WDR87: variants seen among roughly 807,000 people sequenced by gnomAD.
WDR87 encodes WD repeat domain 87, also known as WD repeat-containing protein 87.
A neutral mutation model predicts 83.3 loss-of-function variants in WDR87; 56 were observed. That is an observed-to-expected ratio of 0.67 (90% CI 0.54 to 0.84). WDR87 has a LOEUF of 0.84. Among genes scored for constraint, WDR87 ranks in the 40% least tolerant of loss-of-function variants. The pLI is 0.00. For missense variants in WDR87, 2,939 were observed against 3,431.9 expected, an observed-to-expected ratio of 0.86 and a Z score of 3.59; for synonymous variants, 1,173 against 1,250.6, an observed-to-expected ratio of 0.94 and a Z score of 1.31.
chr19:37,889,982 T>A lies in WDR87; in HGVS notation c.3689A>T (p.Lys1230Met). Reference protein sequence around the residue: ...KKATAQKLKKKHKKKGKEAKV... With the variant: ...KKATAQKLKKMHKKKGKEAKV... Reference sequence around the variant, plus strand: ...GGCTTCTTTTCCCTTCTTTTTGTGCTTCTTTTTGAGTTTCTGAGCTGTTGC... The same window carrying A: ...GGCTTCTTTTCCCTTCTTTTTGTGCATCTTTTTGAGTTTCTGAGCTGTTGC... The change falls in exon 6 of 6, where the codon AAG (lysine) becomes ATG (methionine). Residue 1230 changes from lysine (K) to methionine (M), a missense_variant. Lys to Met is a moderately conservative substitution (Grantham distance 95). Coordinates refer to ENST00000447313, the MANE Select transcript of WDR87 (RefSeq NM_001291088.2). The A allele has an allele frequency of 6.4e-7, 1 of 1,551,748 alleles. No homozygotes were observed.
Position 37,898,170 on chromosome 19 carries a change from T to G in WDR87, c.70A>C (p.Ser24Arg). The change falls in exon 2 of 6, where the codon AGC (serine) becomes CGC (arginine). Residue 24 changes from serine to arginine, a missense_variant. This residue lies in a region of WDR87 where 226 missense variants were observed against 320.9 expected (regional missense o/e 0.70). Transcript: ENST00000447313. The stretch of plus-strand genomic sequence containing the variant: ...ATGTCCTACATATACATTACCTTGC[T>G]TTTATTTATGGTGTCATTTAGGAGG... ...KLLLNDTINK[S>R]KQPSEDPKNC... 1 of 1,551,714 alleles carries G rather than the reference T, an allele frequency of 6.4e-7. No homozygotes were observed. Among genetic ancestry groups the G allele is most frequent in the Non-Finnish European group, 8.7e-7 (1 of 1,146,968 alleles).
In WDR87 at chr19:37,898,195, G is replaced by T. The variant is rs1194315696; in HGVS notation, c.45C>A (p.Leu15=). 2 of 1,551,614 alleles carry T rather than the reference G, an allele frequency of 1.3e-6. No individual in the cohort carries two copies. The highest frequency in any genetic ancestry group is 1.7e-4 in the Middle Eastern group (1 of 5,990). Residue 15 remains leucine (L), a synonymous_variant, in exon 2 of 6, where the codon CTC becomes CTA. Coordinates refer to ENST00000447313, the MANE Select transcript of WDR87 (RefSeq NM_001291088.2). ...RLIPLWKDLK[L]LLNDTINKSK... is the part of the protein sequence containing the mutation. Reference sequence around the variant, plus strand: ...TTTTATTTATGGTGTCATTTAGGAGGAGTTTTAAATCTTTCCACAGGGGAA... The same window carrying T: ...TTTTATTTATGGTGTCATTTAGGAGTAGTTTTAAATCTTTCCACAGGGGAA...
In WDR87 at chr19:37,895,265, C is replaced by G. The variant is rs1398775916; in HGVS notation, c.438G>C (p.Val146=). The change falls in exon 4 of 6, where the codon GTG becomes GTC. Residue 146 remains valine, a synonymous_variant. Transcript: ENST00000447313. ...GGCAGCTGATGTTGAAGCGGCAGGG[C>G]ACTTTACCCAGGGGTTTGAATGCCC... ...HFRAFKPLGK[V]PCRFNISCLC... 1.1e-5 allele frequency: 17 copies of G among 1,551,578 alleles called. No homozygotes were observed. Among genetic ancestry groups the G allele is most frequent in the Non-Finnish European group, 9.6e-6 (11 of 1,147,012 alleles).
rs1475149491 is a variant in WDR87 at position 37,896,147 on chromosome 19, T to C, written c.237A>G (p.Lys79=). 2.6e-6 allele frequency: 4 copies of C among 1,552,200 alleles called. No individual in the cohort carries two copies. Among genetic ancestry groups the C allele is most frequent in the Non-Finnish European group, 3.5e-6 (4 of 1,147,128 alleles). The change falls in exon 3 of 6, where the codon AAA becomes AAG. Residue 79 remains lysine, a synonymous_variant. Transcript: ENST00000447313. ...ASLSWVTSNT[K]EIQAVAWMKS... ...AGAAAGGCAGTCTTACTTGTATTTC[T>C]TTTGTGTTTGATGTCACCCAAGAGA...
At position 37,884,839 on chromosome 19, in the gene WDR87, AAAAGAG is replaced by A; in HGVS notation, c.*87_*92del. 2 of 1,183,310 alleles carry A rather than the reference AAAAGAG, an allele frequency of 1.7e-6. No homozygotes were observed. The highest frequency in any genetic ancestry group is 2.2e-6 in the Non-Finnish European group (2 of 928,212). 73.3% of individuals were successfully genotyped at this position (1,183,310 alleles called of 1,614,324 possible). On this transcript the variant is annotated 3_prime_UTR_variant, in exon 6 of 6. Transcript: ENST00000447313. ...GTGAAACACCGTCTCAAAAAAAAAA[AAAAGAG>A]AGAGAGAGAGATGAAGGTCTAGATC...
rs188057301 is a variant in WDR87, at chr19:37,894,198, T to A, written c.1505A>T (p.His502Leu). 4.2e-5 allele frequency: 65 copies of A among 1,552,034 alleles called. No homozygotes were observed. The East Asian group carries it at 1.5e-3, about 36-fold the overall frequency. ...GGAGAGTGCCAGTACAGCGCCAAAG[T>A]GCATGAATTTTTCTAATCGAGCACA... The part of the protein sequence containing the change: ...HSCARLEKFM[H>L]FGAVLALSTL... Residue 502 changes from histidine to leucine, a missense_variant, in exon 4 of 6, where the codon CAC (histidine) becomes CTC (leucine). Physicochemically the swap from His to Leu is moderately conservative, Grantham distance 99. Transcript: ENST00000447313.
Position 37,905,601 on chromosome 19 carries a change from C to T in WDR87, c.-47+898G>A, listed in dbSNP as rs1167799346. ...TTAAAGAGACAGGGTTCTGCTTTGT[C>T]GCCCAAGCTGGAGGGCAGTGGTGCA... is the stretch of plus-strand genomic sequence containing the variant. On this transcript the variant is annotated intron_variant, in intron 1 of 5. Transcript: ENST00000447313. 3.3e-5 allele frequency among the ~76,000 whole-genome samples: 5 copies of T among 150,442 alleles called. No homozygotes were observed. In the East Asian group the frequency reaches 9.7e-4, roughly 29 times the overall value.
chr19:37,900,560 C>CAAAAAAAAAAA (rs58946958), intron 1 of WDR87, among the ~76,000 whole-genome samples: 5 of 78,088 alleles, frequency 6.4e-5, no homozygotes, highest in Non-Finnish European at 9.6e-5. Flanking sequence ...GACTCCGTCT[C>CAAAAAAAAAAA]AAAAAAAAAA....
rs1406436257 is a variant in WDR87, at chr19:37,892,836, G to C, written c.2867C>G (p.Ala956Gly). 1 of 1,551,714 alleles carries C rather than the reference G, an allele frequency of 6.4e-7. No individual in the cohort carries two copies. The highest frequency in any genetic ancestry group is 8.7e-7 in the Non-Finnish European group (1 of 1,147,024). Reference protein sequence around the residue: ...QIFASYQVSPALRSETARRLL... With the variant: ...QIFASYQVSPGLRSETARRLL... ...CCGACGGGCTGTCTCAGAGCGTAGG[G>C]CTGGGGACACCTGGTAAGAGGCAAA... The change falls in exon 4 of 6, where the codon GCC becomes GGC. Residue 956 changes from alanine (A) to glycine (G), a missense_variant. Transcript: ENST00000447313.
rs534125185 is a variant in WDR87 at position 37,897,589 on chromosome 19, T to TA, written c.75+575dup. On this transcript the variant is annotated intron_variant, in intron 2 of 5. Transcript: ENST00000447313. ...TTCTCTGGTGCCTCCTCCCCTGTTT[T>TA]AAAAAATCTCTCAGCCAGGCACAGT... Among the ~76,000 whole-genome samples, 5 of 151,834 alleles carry TA rather than the reference T, an allele frequency of 3.3e-5. No homozygotes were observed. In the South Asian group the frequency reaches 1.0e-3, roughly 32 times the overall value.
intron 2 of WDR87, among the ~76,000 whole-genome samples, chr19:37,897,204 G>GTTTTTTT (rs397859251): frequency 8.7e-6 from 1 of 115,296 alleles, no homozygotes; most frequent in Non-Finnish European, 1.7e-5. Flanking sequence ...CTGGGATCCT[G>GTTTTTTT]TTTTTTTTTT....
chr19:37,891,522 G>A (rs1212365062), intron 5 of WDR87, 30 bp downstream of exon 5: 1 of 1,548,980 alleles, frequency 6.5e-7, no homozygotes, highest in Non-Finnish European at 8.7e-7. Context: ...TGGGGACCCT[G>A]AGGCACAGAC....
Position 37,887,519 on chromosome 19 carries a change from A to G in WDR87, c.6152T>C (p.Leu2051Pro). 1 of 1,551,808 alleles carries G rather than the reference A, an allele frequency of 6.4e-7. No individual in the cohort carries two copies. Among genetic ancestry groups the G allele is most frequent in the Non-Finnish European group, 8.7e-7 (1 of 1,147,042 alleles). ...EQELFERKLSLEEKILLHEDR... is the reference protein window; with the variant it reads ...EQELFERKLSPEEKILLHEDR... ...TTCATGTAGCAGTATCTTCTCCTCTAGTGACAATTTTCTCTCAAATAGTTC... is the reference window on the plus strand; with the variant it reads ...TTCATGTAGCAGTATCTTCTCCTCTGGTGACAATTTTCTCTCAAATAGTTC... The change falls in exon 6 of 6, where the codon CTA becomes CCA. Residue 2051 changes from leucine to proline, a missense_variant. By Grantham distance (98) the Leu-to-Pro change is moderately conservative. Coordinates refer to ENST00000447313, the MANE Select transcript of WDR87 (RefSeq NM_001291088.2).
In WDR87 at chr19:37,888,904, C is replaced by T. The variant is rs574228166; in HGVS notation, c.4767G>A (p.Val1589=). Residue 1589 remains valine (V), a synonymous_variant, in exon 6 of 6, where the codon GTG becomes GTA. Transcript: ENST00000447313. ...GTTCTTTTTCTTCCCCCTCCCGAGA[C>T]ACTTCTTCCTCCAAAGTCACTTCTT... ...DEEEVTLEEE[V]SREGEEKEQQ... is the part of the protein sequence containing the mutation. 9.0e-6 allele frequency: 14 copies of T among 1,552,138 alleles called. No individual in the cohort carries two copies. The East Asian group carries it at 3.2e-4, about 35-fold the overall frequency.
chr19:37,886,414 AGCCCT>A lies in WDR87; in HGVS notation c.7252_7256del (p.Arg2418TyrfsTer38). On this transcript the variant is annotated frameshift_variant, in exon 6 of 6. Coordinates refer to ENST00000447313, the MANE Select transcript of WDR87 (RefSeq NM_001291088.2). LOFTEE classifies it low-confidence loss of function (END_TRUNC). ...GGCTTTTTAGAACTCCTAGTCTTATAGCCCTGCCTTTGCCATGAGGAACTCCTCTT... is the reference window on the plus strand; with the variant it reads ...GGCTTTTTAGAACTCCTAGTCTTATAGCCTTTGCCATGAGGAACTCCTCTT... 1 of 1,537,094 alleles carries A rather than the reference AGCCCT, an allele frequency of 6.5e-7. No individual in the cohort carries two copies. The highest frequency in any genetic ancestry group is 8.7e-7 in the Non-Finnish European group (1 of 1,143,048).
Position 37,893,558 on chromosome 19 carries a change from C to T in WDR87, c.2145G>A (p.Val715=). 5 of 1,551,768 alleles carry T rather than the reference C, an allele frequency of 3.2e-6. No homozygotes were observed. Among genetic ancestry groups the T allele is most frequent in the Non-Finnish European group, 4.4e-6 (5 of 1,147,034 alleles). The change falls in exon 4 of 6, where the codon GTG becomes GTA. Residue 715 remains valine (V), a synonymous_variant. Coordinates refer to ENST00000447313, the MANE Select transcript of WDR87 (RefSeq NM_001291088.2). ...CTTGTCCAGGGTAGATGTACTTGGGCACAAACATGGTCTCAAAGGAGAAGA... is the reference window on the plus strand; with the variant it reads ...CTTGTCCAGGGTAGATGTACTTGGGTACAAACATGGTCTCAAAGGAGAAGA... ...SFFFSFETMF[V]PKYIYPGQAQ... is the part of the protein sequence containing the mutation.
intron 4 of WDR87, among the ~76,000 whole-genome samples, chr19:37,892,321 T>C (rs973155259): frequency 6.6e-6 from 1 of 151,420 alleles, no homozygotes; most frequent in Admixed American, 6.6e-5. Context: ...GAAGCAGAGG[T>C]TGTAGTGAGC....
In WDR87 at chr19:37,886,536, C is replaced by T. The variant is rs1030961741; in HGVS notation, c.7135G>A (p.Glu2379Lys). 6.7e-7 allele frequency: 1 copy of T among 1,501,336 alleles called. No homozygotes were observed. Among genetic ancestry groups the T allele is most frequent in the Admixed American group, 2.6e-5 (1 of 38,246 alleles). 93.0% of individuals were successfully genotyped at this position (1,501,336 alleles called of 1,614,324 possible). ...SCSLEEEVDR[E>K]KEILKKEKQF... ...TTTTCTTTTTTTAAGATCTCTTTTT[C>T]CCTGTCCACCTCTTCTTCCAATGAG... The change falls in exon 6 of 6, where the codon GAA becomes AAA. Residue 2379 changes from glutamate to lysine, a missense_variant. Physicochemically the swap from Glu to Lys is moderately conservative, Grantham distance 56. Transcript: ENST00000447313.
chr19:37,900,962 CAAAAAAAAAAAAA>C (rs878938966), intron 1 of WDR87, among the ~76,000 whole-genome samples: 2 of 29,510 alleles, frequency 6.8e-5, no homozygotes, highest in African/African-American at 1.8e-4. Flanking sequence ...CCTGTCTCTA[CAAAAAAAAAAAAA>C]AAAAAAAAAA....
Sources: gnomAD v4.1 joint callset for allele counts (sites outside exome capture counted in the v4.1 genomes callset) on GRCh38, gnomAD v4.1.1 for gene constraint, gnomAD v4.1.1 regional missense constraint, MANE v1.5 for transcripts, NCBI Gene and HGNC (gene_info 2026-07-23, HGNC 2026-07-21) for gene names.